Variants in DRC11 observed in about 807,000 individuals in gnomAD.
DRC11 encodes the protein IQ and AAA domain-containing protein 1.
At chr2:236,391,828 A>G in the DRC11 span, 1 of 678,686 alleles carries the variant, frequency 1.5e-6, no homozygotes, top group Non-Finnish European at 2.6e-6. The surrounding 1 kb of genome is among the most constrained non-coding windows in gnomAD (Gnocchi z 4.5). Context: ...ATGGTGGACC[A>G]ATTAAATTTA....
the DRC11 span, among the ~76,000 whole-genome samples, chr2:236,354,755 AGT>A: frequency 3.9e-5 from 6 of 152,154 alleles, no homozygotes; most frequent in East Asian, 1.9e-4. Flanking sequence ...CAGCCTGCAG[AGT>A]GTGTTTCCAC....
chr2:236,331,791 T>C, the DRC11 span: 1 of 582,664 alleles, frequency 1.7e-6, no homozygotes, highest in Admixed American at 3.0e-5. This position sits in a 1 kb window ranked among gnomAD's most constrained non-coding sequence, Gnocchi z 4.8. Flanking sequence ...CCATAAGCCA[T>C]ACATATCAAT....
the DRC11 span, chr2:236,331,638 C>T: frequency 6.9e-7 from 1 of 1,447,060 alleles, no homozygotes; most frequent in African/African-American, 1.4e-5. This position sits in a 1 kb window ranked among gnomAD's most constrained non-coding sequence, Gnocchi z 4.8. Context: ...AGGGTTACCA[C>T]AGAGAAATCA....
At chr2:236,388,615 C>T in the DRC11 span, among the ~76,000 whole-genome samples, 24,614 of 145,694 alleles carry the variant, frequency 0.17, 2,111 homozygotes, top group Non-Finnish European at 0.22. Context: ...GAATGTCCTC[C>T]CGTAGCTCAG....
At chr2:236,489,210 G>A in the DRC11 span, among the ~76,000 whole-genome samples, 19 of 146,498 alleles carry the variant, frequency 1.3e-4, no homozygotes, top group East Asian at 2.0e-4. Flanking sequence ...TATGAGCTCC[G>A]GGTGCAGGTG....
chr2:236,414,902 T>G, the DRC11 span, among the ~76,000 whole-genome samples: 2 of 152,186 alleles, frequency 1.3e-5, no homozygotes, highest in African/African-American at 4.8e-5. Context: ...TCCTGCTCTT[T>G]CTCACTCCAC....
the DRC11 span, among the ~76,000 whole-genome samples, chr2:236,349,087 C>T: frequency 4.6e-5 from 7 of 152,114 alleles, no homozygotes; most frequent in African/African-American, 1.7e-4. The surrounding 1 kb of genome is among the most constrained non-coding windows in gnomAD (Gnocchi z 5.5). Flanking sequence ...GTCTCATTCC[C>T]GACACCTAAC....
chr2:236,418,237 T>A, the DRC11 span, among the ~76,000 whole-genome samples: 4 of 152,226 alleles, frequency 2.6e-5, no homozygotes, highest in Admixed American at 2.6e-4. Context: ...CCAGCTTCTG[T>A]TGTTTCCACA....
chr2:236,489,451 G>C, the DRC11 span, among the ~76,000 whole-genome samples: 1 of 150,984 alleles, frequency 6.6e-6, no homozygotes, highest in Admixed American at 6.6e-5. Context: ...GTGCATGCTG[G>C]GGCCTATGTG....
the DRC11 span, among the ~76,000 whole-genome samples, chr2:236,339,424 G>A: frequency 6.6e-6 from 1 of 152,144 alleles, no homozygotes; most frequent in Non-Finnish European, 1.5e-5. Context: ...TAATTTTGAT[G>A]AGTTGCAATT....
At chr2:236,414,291 C>A in the DRC11 span, among the ~76,000 whole-genome samples, 2 of 152,142 alleles carry the variant, frequency 1.3e-5, no homozygotes, top group East Asian at 3.9e-4. Flanking sequence ...CAGTCTAAGA[C>A]CTCTTTGCCT....
At chr2:236,459,636 CGTAT>C in the DRC11 span, among the ~76,000 whole-genome samples, 4 of 132,938 alleles carry the variant, frequency 3.0e-5, no homozygotes, top group African/African-American at 8.6e-5. Context: ...TACGTATATA[CGTAT>C]ATACGTATAT....
the DRC11 span, among the ~76,000 whole-genome samples, chr2:236,341,397 C>A: frequency 6.6e-5 from 10 of 152,158 alleles, no homozygotes; most frequent in Non-Finnish European, 1.0e-4. Context: ...CTGGTCCAGG[C>A]GTCTGCAGGG....
At chr2:236,370,288 C>T in the DRC11 span, among the ~76,000 whole-genome samples, 3 of 152,214 alleles carry the variant, frequency 2.0e-5, no homozygotes, top group Non-Finnish European at 4.4e-5. This position sits in a 1 kb window ranked among gnomAD's most constrained non-coding sequence, Gnocchi z 5.5. Context: ...GTGCTCCATC[C>T]AGCCACTTGC....
the DRC11 span, among the ~76,000 whole-genome samples, chr2:236,316,067 A>G: frequency 6.6e-6 from 1 of 152,142 alleles, no homozygotes; most frequent in African/African-American, 2.4e-5. This position sits in a 1 kb window ranked among gnomAD's most constrained non-coding sequence, Gnocchi z 6.8. Context: ...AGAACTCTTA[A>G]CATAGGACAC....
the DRC11 span, among the ~76,000 whole-genome samples, chr2:236,489,695 G>A: frequency 4.0e-3 from 614 of 152,290 alleles, 8 homozygotes; most frequent in African/African-American, 0.014. Context: ...GCCGAGGTGG[G>A]AGGATTACTT....
the DRC11 span, among the ~76,000 whole-genome samples, chr2:236,377,823 T>C: frequency 6.6e-6 from 1 of 152,158 alleles, no homozygotes; most frequent in African/African-American, 2.4e-5. The surrounding 1 kb of genome is among the most constrained non-coding windows in gnomAD (Gnocchi z 4.9). Context: ...TTTATACTAA[T>C]TGAGAAAAAA....
At chr2:236,440,914 G>T in the DRC11 span, 3 of 631,352 alleles carry the variant, frequency 4.8e-6, no homozygotes, top group Non-Finnish European at 8.4e-6. Flanking sequence ...ACACCCAAAA[G>T]TATTTCCATG....
At chr2:236,414,231 T>C in the DRC11 span, among the ~76,000 whole-genome samples, 2 of 152,238 alleles carry the variant, frequency 1.3e-5, no homozygotes, top group Non-Finnish European at 1.5e-5. Flanking sequence ...CTGATTTTGA[T>C]GAGGCCCAAT....
Sources: allele counts gnomAD v4.1 joint callset (sites outside exome capture counted in the v4.1 genomes callset), GRCh38; gene constraint gnomAD v4.1.1; non-coding constraint Gnocchi (gnomAD v3.1); transcripts MANE v1.5; gene names NCBI Gene and HGNC (gene_info 2026-07-23, HGNC 2026-07-21).